Variants in SYNDIG1 observed in about 807,000 individuals in gnomAD.
The protein encoded by SYNDIG1 is synapse differentiation inducing 1.
Under a neutral mutation model 19.4 loss-of-function variants are expected in SYNDIG1, and 9 were observed. The observed-to-expected ratio is 0.46, with a 90% CI of 0.28 to 0.81. The LOEUF (loss-of-function observed/expected upper bound fraction) is 0.81. Among genes scored for constraint, SYNDIG1 ranks in the 30% least tolerant of loss-of-function variants. SYNDIG1 has a pLI of 0.12. For synonymous variants in SYNDIG1, 141 were observed against 145.9 expected (o/e 0.97, Z 0.24); for missense variants, 311 against 343.3 (o/e 0.91, Z 0.74).
chr20:24,646,333 C>T (rs2059422461), intron 3 of SYNDIG1, among the ~76,000 whole-genome samples: 1 of 152,142 alleles, frequency 6.6e-6, no homozygotes, highest in South Asian at 2.1e-4. Context: ...CTCCAAACCT[C>T]ATGTTAAAAT....
chr20:24,546,229 G>A (rs1686957141), intron 2 of SYNDIG1, among the ~76,000 whole-genome samples: 1 of 152,194 alleles, frequency 6.6e-6, no homozygotes, highest in African/African-American at 2.4e-5. Context: ...ACTAATGACT[G>A]GTTAGAAGTG....
intron 2 of SYNDIG1, among the ~76,000 whole-genome samples, chr20:24,565,192 TG>T (rs1386922958): frequency 6.6e-6 from 1 of 152,110 alleles, no homozygotes; most frequent in Non-Finnish European, 1.5e-5. Flanking sequence ...TTTGGAAAGG[TG>T]AGAACCACCG....
At chr20:24,612,397 A>C (rs373264803) in intron 3 of SYNDIG1, among the ~76,000 whole-genome samples, 62 of 152,308 alleles carry the variant, frequency 4.1e-4, no homozygotes, top group African/African-American at 1.4e-3. Context: ...GTCCCTGTTG[A>C]CATAAACATC....
rs564212769 is a variant in SYNDIG1, at chr20:24,664,906, T to C, written c.619-440T>C. On this transcript the variant is annotated intron_variant, in intron 3 of 3. Transcript: ENST00000376862. ...CACACCTCCAGTGGGTAGCAGAGAT[T>C]CAATAAGATAGATAGAAATATGCTT... Among the ~76,000 whole-genome samples, 30 of 152,226 alleles carry C rather than the reference T, an allele frequency of 2.0e-4. No homozygotes were observed. The South Asian group carries it at 5.2e-3, about 26-fold the overall frequency.
intron 2 of SYNDIG1, among the ~76,000 whole-genome samples, chr20:24,553,917 G>A (rs771850862): frequency 3.3e-5 from 5 of 152,102 alleles, no homozygotes; most frequent in African/African-American, 4.8e-5. Context: ...CCATTTTCAC[G>A]ATATTGTTTC....
intron 3 of SYNDIG1, among the ~76,000 whole-genome samples, chr20:24,639,591 G>A (rs1231031065): frequency 6.6e-6 from 1 of 152,178 alleles, no homozygotes; most frequent in Admixed American, 6.5e-5. Flanking sequence ...AGTTGTCGGC[G>A]TGATGTTGAC....
At chr20:24,596,646 T>C (rs762685011) in intron 3 of SYNDIG1, among the ~76,000 whole-genome samples, 2 of 152,208 alleles carry the variant, frequency 1.3e-5, no homozygotes, top group Non-Finnish European at 1.5e-5. Context: ...CCCAAACTGC[T>C]GGAATTACAG....
At chr20:24,663,183 G>T (rs1204679806) in intron 3 of SYNDIG1, among the ~76,000 whole-genome samples, 1 of 152,196 alleles carries the variant, frequency 6.6e-6, no homozygotes, top group Non-Finnish European at 1.5e-5. Context: ...GATGCCGAGT[G>T]ACGTTGCTGA....
chr20:24,501,946 C>T (rs1330597642), intron 1 of SYNDIG1, among the ~76,000 whole-genome samples: 2 of 152,254 alleles, frequency 1.3e-5, no homozygotes, highest in Admixed American at 6.5e-5. Context: ...GGGGAGACTG[C>T]TCTGCCCATG....
At chr20:24,522,803 A>G (rs980305114) in intron 1 of SYNDIG1, among the ~76,000 whole-genome samples, 1 of 152,148 alleles carries the variant, frequency 6.6e-6, no homozygotes, top group Non-Finnish European at 1.5e-5. Flanking sequence ...GAAGCTTTTA[A>G]TCATGGCAGA....
chr20:24,478,480 C>A (rs2055698967), intron 1 of SYNDIG1, among the ~76,000 whole-genome samples: 1 of 152,208 alleles, frequency 6.6e-6, no homozygotes, highest in Admixed American at 6.5e-5. Flanking sequence ...GCACAGGGAC[C>A]CAAATTTTCA....
chr20:24,590,293 GC>G (rs2058487261), intron 3 of SYNDIG1, among the ~76,000 whole-genome samples: 2 of 151,902 alleles, frequency 1.3e-5, no homozygotes, highest in Admixed American at 1.3e-4. Context: ...GGGGCTGGGG[GC>G]CGCGGGTGTG....
intron 1 of SYNDIG1, among the ~76,000 whole-genome samples, chr20:24,483,609 G>A (rs1285409940): frequency 6.6e-6 from 1 of 152,254 alleles, no homozygotes. Flanking sequence ...CCCAGCCTGA[G>A]GAAGCCCCTC....
chr20:24,663,329 C>T (rs750481526), intron 3 of SYNDIG1, among the ~76,000 whole-genome samples: 14 of 152,134 alleles, frequency 9.2e-5, no homozygotes, highest in African/African-American at 2.4e-4. Context: ...GGTCCCCCAG[C>T]GTGGAGAATG....
chr20:24,630,751 G>T (rs1317247195), intron 3 of SYNDIG1, among the ~76,000 whole-genome samples: 1 of 152,174 alleles, frequency 6.6e-6, no homozygotes, highest in Non-Finnish European at 1.5e-5. Flanking sequence ...GGCTGCCCTT[G>T]GGCCACCCCT....
chr20:24,602,069 A>G (rs1324805251), intron 3 of SYNDIG1, among the ~76,000 whole-genome samples: 3 of 152,014 alleles, frequency 2.0e-5, no homozygotes, highest in Non-Finnish European at 4.4e-5. Context: ...GTATGTTTCA[A>G]TCACCTGCCA....
chr20:24,584,286 T>C (rs2058376512), intron 2 of SYNDIG1, among the ~76,000 whole-genome samples: 1 of 152,134 alleles, frequency 6.6e-6, no homozygotes, highest in Non-Finnish European at 1.5e-5. Flanking sequence ...AAGAGAAACT[T>C]AAAAGAGAGA....
At chr20:24,545,633 G>A (rs2057561441) in intron 2 of SYNDIG1, among the ~76,000 whole-genome samples, 1 of 152,038 alleles carries the variant, frequency 6.6e-6, no homozygotes, top group Non-Finnish European at 1.5e-5. Context: ...GAGGCTTGAG[G>A]GGAGCTTAAA....
In SYNDIG1 at chr20:24,637,715, T is replaced by C. The variant is rs141033287; in HGVS notation, c.619-27631T>C. Among the ~76,000 whole-genome samples, 1,346 of 152,200 alleles carry C rather than the reference T, an allele frequency of 8.8e-3. 24 individuals carry two copies. Among genetic ancestry groups the C allele is most frequent in the African/African-American group, 0.031 (1,300 of 41,530 alleles). On this transcript the variant is annotated intron_variant, in intron 3 of 3. Transcript: ENST00000376862. ...CAGGTGCTCTGCCAGCAGGCACCAG[T>C]CAAAGGTCCAGCAGTAAAAGGTGTA...
Sources: gnomAD v4.1 joint callset for allele counts (sites outside exome capture counted in the v4.1 genomes callset) on GRCh38, gnomAD v4.1.1 for gene constraint, MANE v1.5 for transcripts, NCBI Gene and HGNC (gene_info 2026-07-23, HGNC 2026-07-21) for gene names.